The following RYR2 variants were observed in gnomAD, a reference collection of about 807,000 sequenced individuals.
The protein encoded by RYR2 is ryanodine receptor 2.
In RYR2, 227 loss-of-function variants were observed where a neutral mutation model predicts 601.1. That is an observed-to-expected ratio of 0.38 (90% confidence interval 0.34 to 0.42). The LOEUF (loss-of-function observed/expected upper bound fraction) is 0.42. RYR2 is among the 10% of genes least tolerant of loss of function. The pLI, the probability that RYR2 is intolerant of heterozygous loss-of-function variation, is 1.00. For missense variants in RYR2, 4,646 were observed against 6,156.5 expected (o/e 0.75, Z 8.21); for synonymous variants, 2,223 against 2,175.1 (o/e 1.02, Z -0.61).
At chr1:237,742,183 G>C in intron 79 of RYR2, 113 bp from the exon 80 acceptor site, 1 of 705,008 alleles carries the variant, frequency 1.4e-6, no homozygotes, top group Non-Finnish European at 2.4e-6. Flanking sequence ...GTTTAAACAA[G>C]GTTGATGATA....
chr1:237,228,787 C>A (rs1206763864), intron 1 of RYR2, among the ~76,000 whole-genome samples: 1 of 152,064 alleles, frequency 6.6e-6, no homozygotes, highest in Admixed American at 6.6e-5. Context: ...AGAGTAAGAA[C>A]CTGCACTGTT....
intron 24 of RYR2, among the ~76,000 whole-genome samples, chr1:237,514,995 A>C (rs1295368319): frequency 6.6e-6 from 1 of 152,220 alleles, no homozygotes; most frequent in Non-Finnish European, 1.5e-5. Flanking sequence ...ATTCCAGAAT[A>C]TCCCTTATTT....
intron 82 of RYR2, 42 bp from the exon 83 acceptor site, chr1:237,759,734 G>A: frequency 8.5e-7 from 1 of 1,177,674 alleles, no homozygotes; most frequent in South Asian, 1.2e-5. Context: ...CAAACAATAA[G>A]ATTTTTGTTC....
intron 14 of RYR2, among the ~76,000 whole-genome samples, chr1:237,446,814 T>C (rs1708384113): frequency 6.6e-6 from 1 of 152,224 alleles, no homozygotes; most frequent in African/African-American, 2.4e-5. Flanking sequence ...TTGTATTTTT[T>C]ATTACTTGTA....
chr1:237,390,509 T>C (rs573930084), intron 10 of RYR2, among the ~76,000 whole-genome samples: 2 of 152,300 alleles, frequency 1.3e-5, no homozygotes, highest in South Asian at 4.1e-4. Flanking sequence ...TCAACACATT[T>C]ATTGTTATTA....
chr1:237,275,541 G>A (rs1397844144), intron 2 of RYR2, among the ~76,000 whole-genome samples: 2 of 151,736 alleles, frequency 1.3e-5, no homozygotes, highest in Non-Finnish European at 2.9e-5. Context: ...AGACAAAGTA[G>A]TTTCATGGCC....
At chr1:237,611,672 C>T (rs1223828130) in intron 36 of RYR2, among the ~76,000 whole-genome samples, 1 of 152,112 alleles carries the variant, frequency 6.6e-6, no homozygotes, top group Non-Finnish European at 1.5e-5. Flanking sequence ...TCCCAAAATG[C>T]CACTGAAATG....
At chr1:237,699,880 C>G (rs1436370641) in intron 64 of RYR2, among the ~76,000 whole-genome samples, 1 of 152,174 alleles carries the variant, frequency 6.6e-6, no homozygotes, top group Non-Finnish European at 1.5e-5. Flanking sequence ...CTCATTGCCT[C>G]AGGAAACATT....
intron 50 of RYR2, 53 bp downstream of exon 50, chr1:237,650,150 C>T: frequency 6.7e-7 from 1 of 1,486,518 alleles, no homozygotes; most frequent in Non-Finnish European, 9.3e-7. Context: ...ACAGAATTTA[C>T]AATGTGGCCT....
chr1:237,800,788 A>G (rs1429115391), intron 97 of RYR2, among the ~76,000 whole-genome samples: 4 of 152,266 alleles, frequency 2.6e-5, no homozygotes, highest in South Asian at 2.1e-4. Context: ...AAAGATCACA[A>G]ATATTTACTT....
At chr1:237,823,544 A>T (rs965994111) in intron 101 of RYR2, among the ~76,000 whole-genome samples, 3 of 152,196 alleles carry the variant, frequency 2.0e-5, no homozygotes, top group Non-Finnish European at 4.4e-5. Flanking sequence ...GTAGAGGGAA[A>T]CTTATAGCAC....
chr1:237,090,359 C>T lies in RYR2; in HGVS notation c.48+47790C>T, dbSNP rs977755139. ...TAAGTTAAGGATCTTGAGATTATCT[C>T]GTGCGGGGGCAGTGTAATCATGAGA... On this transcript the variant is annotated intron_variant, in intron 1 of 104. Coordinates refer to ENST00000366574, the MANE Select transcript of RYR2 (RefSeq NM_001035.3). 5.9e-5 allele frequency among the ~76,000 whole-genome samples: 9 copies of T among 152,058 alleles called. No individual in the cohort carries two copies. In the East Asian group the frequency reaches 1.2e-3, roughly 20 times the overall value.
intron 1 of RYR2, among the ~76,000 whole-genome samples, chr1:237,145,381 G>A (rs1481641290): frequency 6.6e-6 from 1 of 152,152 alleles, no homozygotes; most frequent in Non-Finnish European, 1.5e-5. Context: ...GAATATATAA[G>A]CATATATCCA....
chr1:237,488,451 A>G (rs1572553576), intron 17 of RYR2, among the ~76,000 whole-genome samples: 1 of 152,142 alleles, frequency 6.6e-6, no homozygotes, highest in South Asian at 2.1e-4. Context: ...AAAGGCACTA[A>G]TCCCATTCTT....
intron 6 of RYR2, among the ~76,000 whole-genome samples, chr1:237,369,851 A>G (rs1014189600): frequency 6.8e-6 from 1 of 147,664 alleles, no homozygotes; most frequent in African/African-American, 2.7e-5. Context: ...TACTTTTGAT[A>G]GAGTAGTTTT....
chr1:237,288,662 C>T (rs147929168), intron 2 of RYR2, among the ~76,000 whole-genome samples: 16 of 152,150 alleles, frequency 1.1e-4, no homozygotes, highest in Non-Finnish European at 1.6e-4. Context: ...TCCCACTGTG[C>T]CCCCCAACAA....
chr1:237,266,550 T>A (rs1247371548), intron 1 of RYR2, among the ~76,000 whole-genome samples: 2 of 152,156 alleles, frequency 1.3e-5, no homozygotes, highest in African/African-American at 4.8e-5. Context: ...CTGAGATGAA[T>A]GATGGGGTTA....
chr1:237,424,094 A>G (rs1299470156), intron 12 of RYR2, among the ~76,000 whole-genome samples: 1 of 152,138 alleles, frequency 6.6e-6, no homozygotes, highest in Non-Finnish European at 1.5e-5. Flanking sequence ...AACTCGCCCC[A>G]TGATCCAGTC....
chr1:237,519,928 G>C (rs907004342), intron 24 of RYR2, among the ~76,000 whole-genome samples: 2 of 89,040 alleles, frequency 2.2e-5, no homozygotes, highest in African/African-American at 6.3e-5. Context: ...CTGTTTTTGT[G>C]TTTGTTTGCA....
Sources: allele counts gnomAD v4.1 joint callset (sites outside exome capture counted in the v4.1 genomes callset), GRCh38; gene constraint gnomAD v4.1.1; transcripts MANE v1.5; gene names NCBI Gene and HGNC (gene_info 2026-07-23, HGNC 2026-07-21).